The following OTOF variants were observed in gnomAD, a reference collection of about 807,000 sequenced individuals.
OTOF encodes fer-1-like family member 2.
In OTOF, 218 loss-of-function variants were observed where a neutral mutation model predicts 236.8. The observed-to-expected ratio is 0.92, with a 90% CI of 0.82 to 1.03. The LOEUF (loss-of-function observed/expected upper bound fraction) is 1.03. OTOF is among the 50% of genes least tolerant of loss of function. The pLI, the probability that OTOF is intolerant of heterozygous loss-of-function variation, is 0.00. For missense variants in OTOF, 2,590 were observed against 2,694.4 expected, an observed-to-expected ratio of 0.96 and a Z score of 0.86; for synonymous variants, 1,041 against 1,072.5, an observed-to-expected ratio of 0.97 and a Z score of 0.57.
rs576076540 is a variant in OTOF, at chr2:26,474,066, C to A, written c.3333G>T (p.Pro1111=). 1.2e-6 allele frequency: 2 copies of A among 1,612,908 alleles called. No homozygotes were observed. The highest frequency in any genetic ancestry group is 1.3e-5 in the African/African-American group (1 of 74,882). The change falls in exon 27 of 47, where the codon CCG becomes CCT. Residue 1111 remains proline, a synonymous_variant. Coordinates refer to ENST00000272371, the MANE Select transcript of OTOF (RefSeq NM_194248.3). ...TGATGGGACCTCGGTCCACGTCCAC[C>A]GGGCCATTGATGGGGGGCAGGTCAG... is the stretch of plus-strand genomic sequence containing the variant. ...GKADLPPING[P]VDVDRGPIMP...
intron 3 of OTOF, among the ~76,000 whole-genome samples, chr2:26,522,375 G>T (rs1354362898): frequency 2.6e-5 from 4 of 152,142 alleles, no homozygotes; most frequent in Middle Eastern, 3.2e-3. Context: ...CAAAACAAAG[G>T]CCCTGGCACT....
At chr2:26,494,914 A>G (rs370109813) in intron 9 of OTOF, 28 bp downstream of exon 9, 37 of 1,613,678 alleles carry the variant, frequency 2.3e-5, no homozygotes, top group Non-Finnish European at 3.1e-5. Flanking sequence ...ATATTTACAG[A>G]GGCTCCTTTC....
chr2:26,505,408 G>C (rs1666222586), intron 5 of OTOF, among the ~76,000 whole-genome samples: 1 of 127,906 alleles, frequency 7.8e-6, no homozygotes, highest in Non-Finnish European at 1.7e-5. Flanking sequence ...TGGGGGAGGT[G>C]AGTTACACAC....
intron 8 of OTOF, among the ~76,000 whole-genome samples, chr2:26,496,495 C>A (rs1665989718): frequency 6.6e-6 from 1 of 152,048 alleles, no homozygotes. Context: ...CTGCCTTGGC[C>A]TCCCAAAGTG....
At position 26,473,091 on chromosome 2, in the gene OTOF, G is replaced by A; in HGVS notation, c.3733+41C>T. ...GAGACCTGGAGCCCTTCCCTGGGGG[G>A]CGTGGAGCCAGGCTTGGTGGCAGGG... On this transcript the variant is annotated intron_variant, in intron 29 of 46. Transcript: ENST00000272371. The surrounding 1 kb of genome is among the most constrained non-coding windows in gnomAD (Gnocchi z 7.2). The A allele has an allele frequency of 1.3e-6, 2 of 1,592,344 alleles. No individual in the cohort carries two copies. The highest frequency in any genetic ancestry group is 1.7e-6 in the Non-Finnish European group (2 of 1,166,426).
At chr2:26,536,680 T>C (rs1040425384) in intron 2 of OTOF, among the ~76,000 whole-genome samples, 2 of 152,146 alleles carry the variant, frequency 1.3e-5, no homozygotes, top group Non-Finnish European at 2.9e-5. Flanking sequence ...CAGTCTGCTA[T>C]GAGGCCCTTC....
chr2:26,527,958 A>G (rs758473460), intron 2 of OTOF, 38 bp from the exon 3 acceptor site: 3 of 1,450,020 alleles, frequency 2.1e-6, no homozygotes, highest in South Asian at 2.3e-5. Flanking sequence ...CGGTGGCAAT[A>G]ACAGGTAGGA....
intron 4 of OTOF, among the ~76,000 whole-genome samples, chr2:26,518,602 T>C (rs974754968): frequency 1.3e-5 from 2 of 152,208 alleles, no homozygotes; most frequent in Non-Finnish European, 2.9e-5. Flanking sequence ...TGACAAACAA[T>C]AGGAAATGAG....
intron 11 of OTOF, among the ~76,000 whole-genome samples, chr2:26,488,405 C>T (rs551236766): frequency 6.6e-6 from 1 of 152,338 alleles, no homozygotes; most frequent in African/African-American, 2.4e-5. Context: ...AACCTGCCCA[C>T]GTGGTGAGCT....
chr2:26,522,408 G>A (rs906233900), intron 3 of OTOF, among the ~76,000 whole-genome samples: 2 of 152,160 alleles, frequency 1.3e-5, no homozygotes, highest in Non-Finnish European at 2.9e-5. Flanking sequence ...CCATCCCTCA[G>A]CCCGTCTTCT....
Position 26,466,087 on chromosome 2 carries a change from G to C in OTOF, c.4501-11C>G. ...GTGCAGGTCCGTGGCCTGGAATGGG[G>C]AGAAGGGCTGCCTGAGCAGGCTCCC... On this transcript the variant is annotated splice_polypyrimidine_tract_variant and intron_variant, in intron 36 of 46. Coordinates refer to ENST00000272371, the MANE Select transcript of OTOF (RefSeq NM_194248.3). The C allele has an allele frequency of 6.2e-7, 1 of 1,614,150 alleles. No individual in the cohort carries two copies. Among genetic ancestry groups the C allele is most frequent in the Non-Finnish European group, 8.5e-7 (1 of 1,180,018 alleles).
At chr2:26,490,699 C>T (rs1246133686) in intron 9 of OTOF, among the ~76,000 whole-genome samples, 1 of 152,206 alleles carries the variant, frequency 6.6e-6, no homozygotes, top group Non-Finnish European at 1.5e-5. Context: ...AGATCACTCA[C>T]TTTCTTGCCT....
chr2:26,475,227 G>T, intron 25 of OTOF, 132 bp downstream of exon 25: 1 of 1,048,912 alleles, frequency 9.5e-7, no homozygotes, highest in Non-Finnish European at 1.5e-6. Context: ...CAGCTTCCCA[G>T]CCAGCACCTG....
At position 26,458,119 on chromosome 2, in the gene OTOF, G is replaced by A. The variant is rs374156715; in HGVS notation, c.*119C>T. On this transcript the variant is annotated 3_prime_UTR_variant, in exon 47 of 47. Coordinates refer to ENST00000272371, the MANE Select transcript of OTOF (RefSeq NM_194248.3). The stretch of plus-strand genomic sequence containing the variant: ...CCCCAACATGAGCAGCCCCAACAGC[G>A]CCAGCACGATCTTGATGATGAGCCA... 6 of 1,614,032 alleles carry A rather than the reference G, an allele frequency of 3.7e-6. No homozygotes were observed. Among genetic ancestry groups the A allele is most frequent in the Admixed American group, 1.7e-5 (1 of 59,998 alleles).
Position 26,470,796 on chromosome 2 carries a change from C to T in OTOF, c.3895-75G>A, listed in dbSNP as rs1012395658. 48 of 1,572,332 alleles carry T rather than the reference C, an allele frequency of 3.1e-5. No homozygotes were observed. The highest frequency in any genetic ancestry group is 1.7e-4 in the Middle Eastern group (1 of 6,050). ...CAATCCCGAGAGCCTCCACCCATTC[C>T]GCCATCTGTCAGCAGGAAGCCTTGG... On this transcript the variant is annotated intron_variant, in intron 31 of 46. Coordinates refer to ENST00000272371, the MANE Select transcript of OTOF (RefSeq NM_194248.3). The surrounding 1 kb of genome is among the most constrained non-coding windows in gnomAD (Gnocchi z 4.3).
Position 26,479,303 on chromosome 2 carries a change from G to C in OTOF, c.2175C>G (p.Leu725=). 6.2e-7 allele frequency: 1 copy of C among 1,612,334 alleles called. No homozygotes were observed. Among genetic ancestry groups the C allele is most frequent in the Non-Finnish European group, 8.5e-7 (1 of 1,179,836 alleles). ...TGTGGTCCATGATGTTGGCATTGTA[G>C]AGGCGGCGGCGCTGGTCCGGCCACC... The part of the protein sequence containing the change: ...KSWWPDQRRR[L]YNANIMDHIA... Residue 725 remains leucine (L), a synonymous_variant, in exon 18 of 47, where the codon CTC becomes CTG. Transcript: ENST00000272371.
At chr2:26,537,888 A>C (rs747466666) in intron 1 of OTOF, 114 bp from the exon 2 acceptor site, 74 of 793,336 alleles carry the variant, frequency 9.3e-5, no homozygotes, top group Non-Finnish European at 1.5e-4. Flanking sequence ...TTCATGCAAC[A>C]TGGGACCTCG....
At chr2:26,512,129 G>C (rs1308643975) in intron 5 of OTOF, among the ~76,000 whole-genome samples, 1 of 152,218 alleles carries the variant, frequency 6.6e-6, no homozygotes, top group Non-Finnish European at 1.5e-5. Flanking sequence ...GCAGAGAGGA[G>C]ACCAGCAGAA....
intron 11 of OTOF, among the ~76,000 whole-genome samples, chr2:26,485,050 C>A (rs1016905980): frequency 6.6e-6 from 1 of 152,204 alleles, no homozygotes; most frequent in African/African-American, 2.4e-5. Flanking sequence ...CTTCCCAGTG[C>A]CTTGGGGTGA....
Sources: gnomAD v4.1 joint callset for allele counts (sites outside exome capture counted in the v4.1 genomes callset) on GRCh38, gnomAD v4.1.1 for gene constraint, Gnocchi (gnomAD v3.1) non-coding constraint, MANE v1.5 for transcripts, NCBI Gene and HGNC (gene_info 2026-07-23, HGNC 2026-07-21) for gene names.